The following TNIK variants were observed in gnomAD, a reference collection of about 807,000 sequenced individuals.
The protein encoded by TNIK is TRAF2 and NCK-interacting protein kinase.
Under a neutral mutation model 191.3 loss-of-function variants are expected in TNIK, and 49 were observed. The observed-to-expected ratio is 0.26, with a 90% confidence interval of 0.20 to 0.32. The LOEUF (loss-of-function observed/expected upper bound fraction) is 0.32. Ranked by LOEUF, TNIK falls within the 10% of genes least tolerant of loss-of-function variation. TNIK has a pLI of 1.00. For synonymous variants in TNIK, 594 were observed against 600.9 expected, an observed-to-expected ratio of 0.99 and a Z score of 0.17; for missense variants, 1,155 against 1,702.3, an observed-to-expected ratio of 0.68 and a Z score of 5.66.
intron 3 of TNIK, among the ~76,000 whole-genome samples, chr3:171,225,933 G>T (rs1008835000): frequency 6.6e-6 from 1 of 152,134 alleles, no homozygotes; most frequent in Non-Finnish European, 1.5e-5. Context: ...ATCTCATTAT[G>T]CAGAGATCCT....
At chr3:171,214,840 G>T (rs548227494) in intron 3 of TNIK, among the ~76,000 whole-genome samples, 1 of 152,138 alleles carries the variant, frequency 6.6e-6, no homozygotes, top group South Asian at 2.1e-4. Context: ...ACTTCTCAGG[G>T]CTTAGAAATG....
At chr3:171,093,399 A>G (rs1722312931) in intron 23 of TNIK, among the ~76,000 whole-genome samples, 1 of 152,342 alleles carries the variant, frequency 6.6e-6, no homozygotes, top group Non-Finnish European at 1.5e-5. Context: ...ATTTAACAAG[A>G]TAAGATGATA....
At chr3:171,432,329 G>C (rs1040848933) in intron 1 of TNIK, among the ~76,000 whole-genome samples, 54 of 152,266 alleles carry the variant, frequency 3.5e-4, no homozygotes, top group Non-Finnish European at 5.1e-4. Flanking sequence ...ATACAGCACA[G>C]AGATCCAAAC....
intron 29 of TNIK, among the ~76,000 whole-genome samples, chr3:171,070,481 G>T (rs1277913236): frequency 1.3e-5 from 2 of 152,138 alleles, no homozygotes; most frequent in African/African-American, 4.8e-5. Flanking sequence ...ATCAGAGAGA[G>T]AGAGTGAGAG....
At chr3:171,389,796 T>C (rs992517804) in intron 1 of TNIK, among the ~76,000 whole-genome samples, 1 of 152,186 alleles carries the variant, frequency 6.6e-6, no homozygotes, top group Non-Finnish European at 1.5e-5. Context: ...AATGGCAATA[T>C]GGCAGCCACA....
At chr3:171,123,547 A>G (rs774634594) in intron 18 of TNIK, 49 bp downstream of exon 18, 10 of 1,430,676 alleles carry the variant, frequency 7.0e-6, no homozygotes, top group African/African-American at 1.5e-5. Flanking sequence ...AATAATGACA[A>G]TGGTGGGTAG....
intron 1 of TNIK, among the ~76,000 whole-genome samples, chr3:171,401,361 G>C (rs113823281): frequency 1.3e-5 from 2 of 152,132 alleles, no homozygotes; most frequent in South Asian, 4.2e-4. Flanking sequence ...TCTTCAGGAC[G>C]AGGACTAGGC....
At chr3:171,277,521 A>G (rs1749898155) in intron 2 of TNIK, among the ~76,000 whole-genome samples, 1 of 152,160 alleles carries the variant, frequency 6.6e-6, no homozygotes, top group South Asian at 2.1e-4. Context: ...CAAATTTCAG[A>G]GAAAATAATA....
chr3:171,328,938 C>T (rs1756108953), intron 2 of TNIK, among the ~76,000 whole-genome samples: 1 of 152,124 alleles, frequency 6.6e-6, no homozygotes, highest in Non-Finnish European at 1.5e-5. Context: ...AACACAGCAA[C>T]CCCACCCACC....
Position 171,139,450 on chromosome 3 carries a change from G to A in TNIK, c.1419+20C>T, listed in dbSNP as rs1439732312. ...AGATGAACACAGAGCAGGTCAGCTG[G>A]TTCTTGGCTTTCTCATTACCAGAAG... On this transcript the variant is annotated intron_variant, in intron 14 of 32. Coordinates refer to ENST00000436636, the MANE Select transcript of TNIK (RefSeq NM_015028.4). 1 of 1,609,216 alleles carries A rather than the reference G, an allele frequency of 6.2e-7. No homozygotes were observed. Among genetic ancestry groups the A allele is most frequent in the East Asian group, 2.2e-5 (1 of 44,626 alleles).
Position 171,070,166 on chromosome 3 carries a change from T to C in TNIK, c.3549+1057A>G, listed in dbSNP as rs79374564. 9.0e-3 allele frequency among the ~76,000 whole-genome samples: 1,378 copies of C among 152,350 alleles called. 10 individuals are homozygous for C. Among genetic ancestry groups the C allele is most frequent in the Middle Eastern group, 0.037 (11 of 294 alleles). On this transcript the variant is annotated intron_variant, in intron 29 of 32. Coordinates refer to ENST00000436636, the MANE Select transcript of TNIK (RefSeq NM_015028.4). ...GAGTTATCCCTTGTTATTAGTAACC[T>C]AATGCATTCCAATTTTTTTCCATAA...
intron 1 of TNIK, among the ~76,000 whole-genome samples, chr3:171,411,896 A>G (rs1325209886): frequency 6.6e-6 from 1 of 152,222 alleles, no homozygotes; most frequent in East Asian, 1.9e-4. Context: ...GGATGGGGCG[A>G]GAAGTTTTCC....
At chr3:171,263,654 AGTG>A (rs1747969954) in intron 2 of TNIK, among the ~76,000 whole-genome samples, 1 of 152,068 alleles carries the variant, frequency 6.6e-6, no homozygotes, top group Non-Finnish European at 1.5e-5. Flanking sequence ...TTCCTAAAGG[AGTG>A]AATAGTAAGT....
chr3:171,453,639 G>A (rs1728455101), intron 1 of TNIK, among the ~76,000 whole-genome samples: 1 of 152,196 alleles, frequency 6.6e-6, no homozygotes, highest in South Asian at 2.1e-4. Flanking sequence ...TGGCTACAGT[G>A]TACGAGAAAC....
chr3:171,164,562 T>C (rs1322897142), intron 10 of TNIK, among the ~76,000 whole-genome samples: 1 of 152,234 alleles, frequency 6.6e-6, no homozygotes, highest in African/African-American at 2.4e-5. Context: ...GGAGTGATGT[T>C]CACATAACTG....
rs141347287 is a variant in TNIK, at chr3:171,332,248, T to C, written c.123+37372A>G. Among the ~76,000 whole-genome samples, 439 of 152,358 alleles carry C rather than the reference T, an allele frequency of 2.9e-3. 2 individuals are homozygous for C. The highest frequency in any genetic ancestry group is 0.01 in the African/African-American group (416 of 41,586). On this transcript the variant is annotated intron_variant, in intron 2 of 32. Coordinates refer to ENST00000436636, the MANE Select transcript of TNIK (RefSeq NM_015028.4). ...TAAAAGGCCACTTATCATTACATCATATAGCTAGCCCAAAATTTGTTTAAT... is the reference window on the plus strand; with the variant it reads ...TAAAAGGCCACTTATCATTACATCACATAGCTAGCCCAAAATTTGTTTAAT...
At chr3:171,300,506 T>G (rs2108268273) in intron 2 of TNIK, among the ~76,000 whole-genome samples, 1 of 152,284 alleles carries the variant, frequency 6.6e-6, no homozygotes, top group South Asian at 2.1e-4. Context: ...AAATATGCTG[T>G]TTTAAAGATG....
chr3:171,108,262 T>C, intron 19 of TNIK, 100 bp from the exon 20 acceptor site: 1 of 890,192 alleles, frequency 1.1e-6, no homozygotes, highest in Non-Finnish European at 1.6e-6. Context: ...ACATTGAGAT[T>C]ACTCAGTGGA....
At chr3:171,437,912 C>T (rs1726223635) in intron 1 of TNIK, among the ~76,000 whole-genome samples, 1 of 152,170 alleles carries the variant, frequency 6.6e-6, no homozygotes, top group East Asian at 1.9e-4. Context: ...AGTTGATAAC[C>T]AGCTAATCAG....
Sources: gnomAD v4.1 joint callset for allele counts (sites outside exome capture counted in the v4.1 genomes callset) on GRCh38, gnomAD v4.1.1 for gene constraint, MANE v1.5 for transcripts, NCBI Gene and HGNC (gene_info 2026-07-23, HGNC 2026-07-21) for gene names.